LRP1B: variants seen among roughly 807,000 people sequenced by gnomAD.
The protein encoded by LRP1B is LDL receptor related protein 1B.
A neutral mutation model predicts 556.6 loss-of-function variants in LRP1B; 217 were observed. That is an observed-to-expected ratio of 0.39 (90% CI 0.35 to 0.44). The LOEUF (loss-of-function observed/expected upper bound fraction) is 0.44, where lower values mean the gene tolerates loss of function less well. Ranked by LOEUF, LRP1B falls within the 20% of genes least tolerant of loss-of-function variation. LRP1B has a pLI of 1.00. For synonymous variants in LRP1B, 2,047 were observed against 1,865.8 expected (o/e 1.10, Z -2.50); for missense variants, 5,053 against 5,620.8 (o/e 0.90, Z 3.23).
chr2:140,299,333 A>G (rs1266090717), intron 83 of LRP1B, among the ~76,000 whole-genome samples: 1 of 152,140 alleles, frequency 6.6e-6, no homozygotes, highest in Non-Finnish European at 1.5e-5. Flanking sequence ...AAAGGACTCT[A>G]CATGCTCAAA....
At chr2:140,701,690 A>G (rs1478265843) in intron 40 of LRP1B, 31 bp downstream of exon 40, 1 of 1,580,592 alleles carries the variant, frequency 6.3e-7, no homozygotes, top group Non-Finnish European at 8.6e-7. Context: ...CATAAAATAT[A>G]CATATTATGT....
At chr2:140,846,852 C>T (rs1414110383) in intron 29 of LRP1B, among the ~76,000 whole-genome samples, 1 of 152,112 alleles carries the variant, frequency 6.6e-6, no homozygotes, top group Non-Finnish European at 1.5e-5. Flanking sequence ...AATTTGAGAT[C>T]CTTTGATGAG....
chr2:140,470,411 A>T (rs187907952), intron 60 of LRP1B, among the ~76,000 whole-genome samples: 1 of 152,186 alleles, frequency 6.6e-6, no homozygotes, highest in East Asian at 1.9e-4. Flanking sequence ...TGGGAGGCCT[A>T]GGCGGGCGAA....
At chr2:141,066,068 T>C (rs1227581598) in intron 7 of LRP1B, among the ~76,000 whole-genome samples, 2 of 152,026 alleles carry the variant, frequency 1.3e-5, no homozygotes, top group Non-Finnish European at 2.9e-5. Context: ...AATGTCATTC[T>C]AGTTTCCACT....
chr2:140,562,542 G>T (rs975128469), intron 43 of LRP1B, among the ~76,000 whole-genome samples: 2 of 151,994 alleles, frequency 1.3e-5, no homozygotes, highest in African/African-American at 4.8e-5. Context: ...TGGCACATGA[G>T]ATTAATAATA....
intron 41 of LRP1B, among the ~76,000 whole-genome samples, chr2:140,659,100 T>TG (rs1684995412): frequency 9.0e-6 from 1 of 111,120 alleles, no homozygotes; most frequent in Non-Finnish European, 1.8e-5. Context: ...GTAAATCTGT[T>TG]TTTTTTTTTT....
chr2:141,460,723 G>T (rs1681835718), intron 3 of LRP1B, among the ~76,000 whole-genome samples: 1 of 152,116 alleles, frequency 6.6e-6, no homozygotes, highest in Admixed American at 6.6e-5. Flanking sequence ...TAGCAGTTGG[G>T]CTAGTGAAAA....
At chr2:140,797,733 C>T (rs1001914638) in intron 32 of LRP1B, among the ~76,000 whole-genome samples, 2 of 151,954 alleles carry the variant, frequency 1.3e-5, no homozygotes, top group Admixed American at 6.6e-5. Context: ...GAAACATAAG[C>T]TATTTTTTAA....
chr2:140,511,502 T>C (rs7601578), intron 51 of LRP1B, among the ~76,000 whole-genome samples: 149,745 of 151,946 alleles, frequency 0.99, 73,825 homozygotes, highest in Middle Eastern at 1. Context: ...GGGGTTTCAC[T>C]GTGTTAGCCA....
At chr2:140,544,015 C>T (rs1212580406) in intron 43 of LRP1B, among the ~76,000 whole-genome samples, 1 of 151,900 alleles carries the variant, frequency 6.6e-6, no homozygotes, top group Non-Finnish European at 1.5e-5. Flanking sequence ...TAACAAAATC[C>T]TAAATAAAGA....
chr2:141,549,492 T>C (rs1421116594), intron 2 of LRP1B, among the ~76,000 whole-genome samples: 1 of 152,144 alleles, frequency 6.6e-6, no homozygotes, highest in Non-Finnish European at 1.5e-5. Context: ...AAAAGACTGG[T>C]ATTTTCTGAT....
Position 140,653,443 on chromosome 2 carries a change from G to T in LRP1B, c.6799+46807C>A, listed in dbSNP as rs1012258198. ...TTGAATCCGTGGAGACTAGAAAGTT[G>T]TATGAAAAAGGAAAAATAGGCATCA... is the stretch of plus-strand genomic sequence containing the variant. On this transcript the variant is annotated intron_variant, in intron 41 of 90. Transcript: ENST00000389484. Among the ~76,000 whole-genome samples, 3 of 151,774 alleles carry T rather than the reference G, an allele frequency of 2.0e-5. No individual in the cohort carries two copies. In the East Asian group the frequency reaches 5.8e-4, roughly 29 times the overall value.
chr2:140,748,591 G>GTATATA (rs70988428), intron 35 of LRP1B, among the ~76,000 whole-genome samples: 2,164 of 73,122 alleles, frequency 0.03, 40 homozygotes, highest in East Asian at 0.07. Context: ...TATACAGTGT[G>GTATATA]TATATATATA....
At chr2:140,320,161 C>T (rs1275103205) in intron 82 of LRP1B, among the ~76,000 whole-genome samples, 1 of 152,122 alleles carries the variant, frequency 6.6e-6, no homozygotes, top group Non-Finnish European at 1.5e-5. Context: ...GACTGATCCC[C>T]TATTTGAATA....
chr2:141,091,863 G>T (rs1433847593), intron 7 of LRP1B, among the ~76,000 whole-genome samples: 1 of 152,174 alleles, frequency 6.6e-6, no homozygotes, highest in Non-Finnish European at 1.5e-5. Context: ...GTGGTAGGAG[G>T]TACTTCTTAC....
At chr2:141,166,124 A>C (rs1680243404) in intron 7 of LRP1B, among the ~76,000 whole-genome samples, 1 of 151,756 alleles carries the variant, frequency 6.6e-6, no homozygotes, top group Non-Finnish European at 1.5e-5. Context: ...ACCCCTTTCT[A>C]TCTTTCGAAA....
At chr2:140,923,232 C>G in intron 20 of LRP1B, 85 bp from the exon 21 acceptor site, 9 of 1,082,524 alleles carry the variant, frequency 8.3e-6, no homozygotes, top group Non-Finnish European at 1.2e-5. Context: ...GTTTTTATTT[C>G]ACATTTTTTT....
intron 6 of LRP1B, among the ~76,000 whole-genome samples, chr2:141,214,462 A>G (rs897829280): frequency 6.6e-6 from 1 of 152,222 alleles, no homozygotes; most frequent in Non-Finnish European, 1.5e-5. Flanking sequence ...TAATGCACAC[A>G]TCATTTTATG....
intron 3 of LRP1B, among the ~76,000 whole-genome samples, chr2:141,435,840 A>C (rs1311265255): frequency 1.3e-5 from 2 of 152,184 alleles, no homozygotes; most frequent in East Asian, 3.9e-4. Context: ...CCTCTTGGTC[A>C]TATCTGTCTA....
Sources: allele counts gnomAD v4.1 joint callset (sites outside exome capture counted in the v4.1 genomes callset), GRCh38; gene constraint gnomAD v4.1.1; transcripts MANE v1.5; gene names NCBI Gene and HGNC (gene_info 2026-07-23, HGNC 2026-07-21).